The following SNTG1 variants were observed in gnomAD, a reference collection of about 807,000 sequenced individuals.
The protein encoded by SNTG1 is gamma-1-syntrophin.
Under a neutral mutation model 74.7 loss-of-function variants are expected in SNTG1, and 39 were observed. That is an observed-to-expected ratio of 0.52 (90% CI 0.40 to 0.68). The LOEUF is 0.68. SNTG1 is among the 30% of genes least tolerant of loss of function. The pLI, the probability that SNTG1 is intolerant of heterozygous loss-of-function variation, is 0.00. For synonymous variants in SNTG1, 254 were observed against 217.1 expected, an observed-to-expected ratio of 1.17 and a Z score of -1.49; for missense variants, 685 against 609.5, an observed-to-expected ratio of 1.12 and a Z score of -1.30.
intron 1 of SNTG1, among the ~76,000 whole-genome samples, chr8:50,053,350 T>C (rs1819740634): frequency 6.6e-6 from 1 of 152,086 alleles, no homozygotes; most frequent in African/African-American, 2.4e-5. Flanking sequence ...TCACATATTG[T>C]ATGATTTCAT....
At chr8:49,976,642 T>C (rs565173790) in intron 1 of SNTG1, among the ~76,000 whole-genome samples, 2 of 152,244 alleles carry the variant, frequency 1.3e-5, no homozygotes, top group East Asian at 3.9e-4. Flanking sequence ...TGAGATGTAA[T>C]TGACAGAGCA....
intron 13 of SNTG1, among the ~76,000 whole-genome samples, chr8:50,598,933 A>G (rs189286545): frequency 1.2e-4 from 18 of 152,072 alleles, no homozygotes; most frequent in African/African-American, 4.3e-4. Context: ...CAAATTTACT[A>G]AAGTCATTCA....
chr8:50,714,908 T>C (rs1333498846), intron 17 of SNTG1, among the ~76,000 whole-genome samples: 1 of 152,064 alleles, frequency 6.6e-6, no homozygotes, highest in African/African-American at 2.4e-5. Flanking sequence ...ATAGAATAAT[T>C]TTGAACTTTG....
chr8:50,138,598 C>T (rs2081555490), intron 1 of SNTG1, among the ~76,000 whole-genome samples: 1 of 150,322 alleles, frequency 6.7e-6, no homozygotes, highest in Non-Finnish European at 1.5e-5. Context: ...GCACTCCAGC[C>T]TGGGCAACAA....
intron 1 of SNTG1, among the ~76,000 whole-genome samples, chr8:50,013,287 T>TA (rs1815990121): frequency 6.6e-6 from 1 of 152,088 alleles, no homozygotes; most frequent in Non-Finnish European, 1.5e-5. Context: ...AAGGATATCT[T>TA]AAAAAATAGC....
At chr8:50,257,504 G>T (rs866689141) in intron 2 of SNTG1, among the ~76,000 whole-genome samples, 4 of 152,134 alleles carry the variant, frequency 2.6e-5, no homozygotes, top group Non-Finnish European at 5.9e-5. Flanking sequence ...AACTAATTTC[G>T]AAGGGTGTTT....
intron 1 of SNTG1, among the ~76,000 whole-genome samples, chr8:49,957,714 G>A (rs1285261015): frequency 1.3e-5 from 2 of 152,174 alleles, no homozygotes; most frequent in Non-Finnish European, 2.9e-5. Context: ...CTTTGGTTGG[G>A]TTTTGGAGAG....
chr8:50,165,880 G>T (rs927767201), intron 1 of SNTG1, among the ~76,000 whole-genome samples: 2 of 151,684 alleles, frequency 1.3e-5, no homozygotes, highest in South Asian at 2.1e-4. Flanking sequence ...ATACTACAAG[G>T]CTACAGTAAC....
chr8:50,681,194 G>T (rs937883468), intron 15 of SNTG1, among the ~76,000 whole-genome samples: 6 of 151,944 alleles, frequency 3.9e-5, no homozygotes, highest in Admixed American at 3.3e-4. Context: ...AATTTGCTTT[G>T]TATTTACATA....
intron 1 of SNTG1, among the ~76,000 whole-genome samples, chr8:49,950,209 T>C (rs1435508449): frequency 6.6e-6 from 1 of 152,228 alleles, no homozygotes; most frequent in Non-Finnish European, 1.5e-5. Context: ...TGTCATTATA[T>C]CTTTACAGAC....
intron 1 of SNTG1, among the ~76,000 whole-genome samples, chr8:50,165,492 T>A (rs1185002920): frequency 6.6e-6 from 1 of 152,212 alleles, no homozygotes; most frequent in African/African-American, 2.4e-5. Flanking sequence ...TGTACTCATC[T>A]CCAGATAGAG....
At chr8:50,159,408 G>A (rs573931471) in intron 1 of SNTG1, among the ~76,000 whole-genome samples, 1 of 152,196 alleles carries the variant, frequency 6.6e-6, no homozygotes, top group East Asian at 1.9e-4. Flanking sequence ...GCTTAGGACA[G>A]GTTTAGGCAT....
intron 5 of SNTG1, among the ~76,000 whole-genome samples, chr8:50,442,192 T>C (rs1366119103): frequency 6.6e-6 from 1 of 152,212 alleles, no homozygotes; most frequent in Non-Finnish European, 1.5e-5. Context: ...CTGGGGAGAA[T>C]GTCCCTTCCT....
intron 17 of SNTG1, among the ~76,000 whole-genome samples, chr8:50,732,190 C>G (rs1012930027): frequency 6.6e-6 from 1 of 151,816 alleles, no homozygotes; most frequent in Non-Finnish European, 1.5e-5. Flanking sequence ...GTTGAAATAG[C>G]AAATACCTGT....
intron 15 of SNTG1, among the ~76,000 whole-genome samples, chr8:50,663,549 C>T (rs1224093461): frequency 1.3e-5 from 2 of 152,050 alleles, no homozygotes; most frequent in East Asian, 1.9e-4. Context: ...CTTCTTGCAC[C>T]GCTCTGGTTT....
At chr8:50,566,479 A>G (rs1474372158) in intron 12 of SNTG1, among the ~76,000 whole-genome samples, 1 of 151,990 alleles carries the variant, frequency 6.6e-6, no homozygotes, top group Non-Finnish European at 1.5e-5. Context: ...TGTGATATTA[A>G]TTGACCAAGT....
intron 1 of SNTG1, among the ~76,000 whole-genome samples, chr8:50,131,397 C>G (rs2081312480): frequency 1.3e-5 from 2 of 152,104 alleles, no homozygotes; most frequent in Non-Finnish European, 2.9e-5. Context: ...TGTATGCATT[C>G]CACACATATG....
intron 4 of SNTG1, among the ~76,000 whole-genome samples, chr8:50,422,372 A>G (rs1384971964): frequency 6.6e-6 from 1 of 152,112 alleles, no homozygotes; most frequent in Non-Finnish European, 1.5e-5. Context: ...AACCAACCAG[A>G]TCTAATGAGC....
At chr8:50,162,535 C>T (rs1268420094) in intron 1 of SNTG1, among the ~76,000 whole-genome samples, 1 of 144,622 alleles carries the variant, frequency 6.9e-6, no homozygotes, top group Non-Finnish European at 1.5e-5. Flanking sequence ...GCACTCCAGC[C>T]TGGGCGACAG....
Sources: allele counts gnomAD v4.1 joint callset (sites outside exome capture counted in the v4.1 genomes callset), GRCh38; gene constraint gnomAD v4.1.1; transcripts MANE v1.5; gene names NCBI Gene and HGNC (gene_info 2026-07-23, HGNC 2026-07-21).